Variants in SIGLEC1 observed in about 807,000 individuals in gnomAD.
SIGLEC1 encodes sialic acid binding Ig like lectin 1.
In SIGLEC1, 132 loss-of-function variants were observed where a neutral mutation model predicts 148.0. The observed-to-expected ratio is 0.89, with a 90% CI of 0.77 to 1.03. The LOEUF is 1.03. Ranked by LOEUF, SIGLEC1 falls within the 50% of genes least tolerant of loss-of-function variation. SIGLEC1 has a pLI of 0.00. For missense variants in SIGLEC1, 2,253 were observed against 2,271.4 expected (o/e 0.99, Z 0.16); for synonymous variants, 945 against 969.0 (o/e 0.98, Z 0.46).
chr20:3,709,675 C>T (rs528487004), intron 1 of SIGLEC1, among the ~76,000 whole-genome samples: 5 of 152,320 alleles, frequency 3.3e-5, no homozygotes, highest in Non-Finnish European at 7.3e-5. Flanking sequence ...AAGTGTCCAT[C>T]AGTGAATGGA....
Position 3,701,502 on chromosome 20 carries a change from G to A in SIGLEC1, c.1368C>T (p.Ser456=), listed in dbSNP as rs13037869. 0.35 allele frequency: 563,809 copies of A among 1,613,842 alleles called. 101,914 individuals carry two copies. Among genetic ancestry groups the A allele is most frequent in the South Asian group, 0.42 (38,689 of 91,086 alleles). ...SHGGHILAST[S]GDSDHSPRFS... is the part of the protein sequence containing the mutation. The stretch of plus-strand genomic sequence containing the variant: ...AGCGTGGGCTGTGATCACTGTCCCC[G>A]GAGGTGGAGGCCAGGATATGACCCC... The change falls in exon 7 of 22, where the codon TCC becomes TCT. Residue 456 remains serine (S), a synonymous_variant. Transcript: ENST00000344754.
chr20:3,689,381 T>C, intron 20 of SIGLEC1, 154 bp from the exon 21 acceptor site: 1 of 736,798 alleles, frequency 1.4e-6, no homozygotes, highest in Non-Finnish European at 2.3e-6. Flanking sequence ...TAGCCCTTGC[T>C]TTAGCACAGC....
chr20:3,691,295 G>A, intron 18 of SIGLEC1, 45 bp downstream of exon 18: 3 of 1,604,254 alleles, frequency 1.9e-6, no homozygotes, highest in Non-Finnish European at 2.6e-6. Context: ...AGGTGGGCGT[G>A]TGAGATGTGG....
In SIGLEC1 at chr20:3,697,301, C is replaced by T. The variant is rs771512780; in HGVS notation, c.2164G>A (p.Gly722Ser). The T allele has an allele frequency of 6.2e-6, 10 of 1,613,920 alleles. No homozygotes were observed. Among genetic ancestry groups the T allele is most frequent in the South Asian group, 1.1e-5 (1 of 91,082 alleles). Residue 722 changes from glycine to serine, a missense_variant, in exon 10 of 22, where the codon GGC (glycine) becomes AGC (serine). By Grantham distance (56) the Gly-to-Ser change is moderately conservative (BLOSUM62 0). Transcript: ENST00000344754. ...AIAPSHTLQEGTEANLTCNVS... is the reference protein window; with the variant it reads ...AIAPSHTLQESTEANLTCNVS... ...TTGCAAGTCAAGTTGGCTTCTGTGC[C>T]CTCCTGAAGTGTGTGTGATGGTGCA...
intron 18 of SIGLEC1, 107 bp from the exon 19 acceptor site, chr20:3,690,371 C>T (rs796973861): frequency 2.3e-6 from 2 of 864,214 alleles, no homozygotes; most frequent in Non-Finnish European, 3.5e-6. Context: ...AGAGGCAGAA[C>T]CTATTTCCTC....
chr20:3,708,102 G>A (rs980051670), intron 1 of SIGLEC1, among the ~76,000 whole-genome samples: 2 of 152,206 alleles, frequency 1.3e-5, no homozygotes, highest in African/African-American at 4.8e-5. Flanking sequence ...AGAGGGGTGA[G>A]GTCTTTAGGG....
At chr20:3,704,909 C>A (rs1203435117) in intron 4 of SIGLEC1, among the ~76,000 whole-genome samples, 1 of 152,226 alleles carries the variant, frequency 6.6e-6, no homozygotes, top group Non-Finnish European at 1.5e-5. Context: ...CAGGTGTGAG[C>A]CACTGTATCC....
At position 3,687,563 on chromosome 20, in the gene SIGLEC1, C is replaced by T. The variant is rs1180687508; in HGVS notation, c.*997G>A. On this transcript the variant is annotated 3_prime_UTR_variant, in exon 22 of 22. Transcript: ENST00000344754. ...AGGCAACTCCACTGCCTGGCATGCT[C>T]TCTCCCTAGGAAAACACCAAACCTT... 6.6e-6 allele frequency: 1 copy of T among 152,232 alleles called. No individual in the cohort carries two copies. The highest frequency in any genetic ancestry group is 1.5e-5 in the Non-Finnish European group (1 of 68,070). 9.4% of individuals were successfully genotyped at this position (152,232 alleles called of 1,614,324 possible).
chr20:3,693,617 T>C lies in SIGLEC1; in HGVS notation c.3338A>G (p.His1113Arg). 1.9e-6 allele frequency: 3 copies of C among 1,611,538 alleles called. No homozygotes were observed. The highest frequency in any genetic ancestry group is 4.5e-5 in the East Asian group (2 of 44,800). Residue 1113 changes from histidine to arginine, a missense_variant, in exon 14 of 22, where the codon CAC (histidine) becomes CGC (arginine). Coordinates refer to ENST00000344754, the MANE Select transcript of SIGLEC1 (RefSeq NM_023068.4). ...VNLTCLVWTTHPAQLTYTWYQ... is the reference protein window; with the variant it reads ...VNLTCLVWTTRPAQLTYTWYQ... ...CCATGTGTAGGTGAGCTGGGCCGGG[T>C]GAGTGGTCCACACAAGGCAGGTCAG...
rs1325396268 is a variant in SIGLEC1 at position 3,701,589 on chromosome 20, A to C, written c.1281T>G (p.Leu427=). 1 of 1,597,002 alleles carries C rather than the reference A, an allele frequency of 6.3e-7. No homozygotes were observed. The highest frequency in any genetic ancestry group is 8.6e-7 in the Non-Finnish European group (1 of 1,167,362). The part of the protein sequence containing the change: ...LTAFLETQAG[L]VGILHCSVVS... ...CCACAGAGCAGTGAAGGATGCCCAC[A>C]AGTCCCGCCTGGGTCTCCAGGAAGG... The change falls in exon 7 of 22, where the codon CTT becomes CTG. Residue 427 remains leucine, a synonymous_variant. Transcript: ENST00000344754.
In SIGLEC1 at chr20:3,688,639, T is replaced by G. The variant is rs1424024833; in HGVS notation, c.5071-20A>C. The G allele has an allele frequency of 6.4e-7, 1 of 1,574,262 alleles. No homozygotes were observed. The highest frequency in any genetic ancestry group is 8.6e-7 in the Non-Finnish European group (1 of 1,159,604). On this transcript the variant is annotated intron_variant, in intron 21 of 21. Transcript: ENST00000344754. ...AATGAGCTTCCCACAGAGAAAACCC[T>G]GGTCACAGGAGGCCTCTGGGAGCCA... is the stretch of plus-strand genomic sequence containing the variant.
Position 3,707,168 on chromosome 20 carries a change from T to C in SIGLEC1, c.-40A>G, listed in dbSNP as rs1238313515. 6.2e-7 allele frequency: 1 copy of C among 1,601,690 alleles called. No individual in the cohort carries two copies. The highest frequency in any genetic ancestry group is 1.3e-5 in the African/African-American group (1 of 74,800). ...CTGCTCCTGTTGCCTAAGAGGGTGG[T>C]GCGCACTGCGCTGGCTGGGCTCACA... On this transcript the variant is annotated 5_prime_UTR_variant, in exon 2 of 22. Transcript: ENST00000344754.
Position 3,697,178 on chromosome 20 carries a change from G to C in SIGLEC1, c.2287C>G (p.Pro763Ala), listed in dbSNP as rs146149346. 9 of 1,613,762 alleles carry C rather than the reference G, an allele frequency of 5.6e-6. No homozygotes were observed. In the African/African-American group the frequency reaches 1.2e-4, roughly 22 times the overall value. Residue 763 changes from proline to alanine, a missense_variant, in exon 10 of 22, where the codon CCC (proline) becomes GCC (alanine). Coordinates refer to ENST00000344754, the MANE Select transcript of SIGLEC1 (RefSeq NM_023068.4). ...AGGGCAGCATCAGTTCTGGCCACGGGCAGCAGTGTCACGGTCTCCAGGGGA... is the reference window on the plus strand; with the variant it reads ...AGGGCAGCATCAGTTCTGGCCACGGCCAGCAGTGTCACGGTCTCCAGGGGA... ...QGPLETVTLL[P>A]VARTDAALYA...
chr20:3,692,669 C>G lies in SIGLEC1; in HGVS notation c.3882G>C (p.Trp1294Cys). The change falls in exon 16 of 22, where the codon TGG (tryptophan) becomes TGC (cysteine). Residue 1294 changes from tryptophan to cysteine, a missense_variant. Coordinates refer to ENST00000344754, the MANE Select transcript of SIGLEC1 (RefSeq NM_023068.4). ...CCTGCAGCCAACGACCGTTGTGGTA[C>G]CAAGTATAGAGTGTGGGTGCGTGGG... ...PAAHAPTLYT[W>C]YHNGRWLQEG... The G allele has an allele frequency of 1.9e-6, 3 of 1,613,164 alleles. No individual in the cohort carries two copies. The highest frequency in any genetic ancestry group is 2.5e-6 in the Non-Finnish European group (3 of 1,180,030).
rs200340665 is a variant in SIGLEC1, at chr20:3,701,480, G to T, written c.1390C>A (p.Arg464Ser). The T allele has an allele frequency of 6.2e-7, 1 of 1,614,124 alleles. No individual in the cohort carries two copies. Reference protein sequence around the residue: ...STSGDSDHSPRFSGTSGPNSL... With the variant: ...STSGDSDHSPSFSGTSGPNSL... ...TTGGGACCAGAGGTACCACTGAAGC[G>T]TGGGCTGTGATCACTGTCCCCGGAG... Residue 464 changes from arginine to serine, a missense_variant, in exon 7 of 22, where the codon CGC (arginine) becomes AGC (serine). Arg to Ser is a moderately radical substitution (Grantham distance 110). Transcript: ENST00000344754.
At chr20:3,689,105 A>G in intron 21 of SIGLEC1, 50 bp downstream of exon 21, 1 of 1,484,988 alleles carries the variant, frequency 6.7e-7, no homozygotes, top group Non-Finnish European at 9.4e-7. Flanking sequence ...GCCAGTTGGC[A>G]CTGTGGGTTA....
At position 3,692,866 on chromosome 20, in the gene SIGLEC1, C is replaced by T; in HGVS notation, c.3774G>A (p.Leu1258=). 1 of 1,608,558 alleles carries T rather than the reference C, an allele frequency of 6.2e-7. No individual in the cohort carries two copies. Among genetic ancestry groups the T allele is most frequent in the Non-Finnish European group, 8.5e-7 (1 of 1,178,212 alleles). The part of the protein sequence containing the change: ...GQANTSLELR[L]EGVRVILAPE... Reference sequence around the variant, plus strand: ...TTGGCCTAGGCCCTGCCTTACCCTCCAGCCGCAGCTCCAGGGACGTGTTGG... The same window carrying T: ...TTGGCCTAGGCCCTGCCTTACCCTCTAGCCGCAGCTCCAGGGACGTGTTGG... The change falls in exon 15 of 22, where the codon CTG becomes CTA. Residue 1258 remains leucine (L), a synonymous_variant. Transcript: ENST00000344754.
rs1346586041 is a variant in SIGLEC1, at chr20:3,705,736, C to A, written c.706+8G>T. 5 of 1,598,432 alleles carry A rather than the reference C, an allele frequency of 3.1e-6. No individual in the cohort carries two copies. The South Asian group carries it at 3.4e-5, about 11-fold the overall frequency. The stretch of plus-strand genomic sequence containing the variant: ...TCAGCCACAAGGGTGTGTCCCCAGA[C>A]AACTCACACTTCACTTGGAGGTGAA... On this transcript the variant is annotated splice_region_variant and intron_variant, in intron 4 of 21. Coordinates refer to ENST00000344754, the MANE Select transcript of SIGLEC1 (RefSeq NM_023068.4).
intron 2 of SIGLEC1, 113 bp downstream of exon 2, chr20:3,706,967 C>T: frequency 8.1e-7 from 1 of 1,238,150 alleles, no homozygotes. Flanking sequence ...CCGATTGGGC[C>T]CTCCCTTGAC....
Sources: allele counts gnomAD v4.1 joint callset (sites outside exome capture counted in the v4.1 genomes callset), GRCh38; gene constraint gnomAD v4.1.1; transcripts MANE v1.5; gene names NCBI Gene and HGNC (gene_info 2026-07-23, HGNC 2026-07-21).